The following VPS13B variants were observed in gnomAD, a reference collection of about 807,000 sequenced individuals.
VPS13B encodes intermembrane lipid transfer protein VPS13B.
A neutral mutation model predicts 426.4 loss-of-function variants in VPS13B; 285 were observed. The observed-to-expected ratio is 0.67, with a 90% CI of 0.61 to 0.74. The LOEUF (loss-of-function observed/expected upper bound fraction) is 0.74, where lower values mean the gene tolerates loss of function less well. VPS13B is among the 30% of genes least tolerant of loss of function. The pLI is 0.00. For synonymous variants in VPS13B, 1,676 were observed against 1,676.4 expected, an observed-to-expected ratio of 1.00 and a Z score of 0.01; for missense variants, 4,537 against 4,782.6, an observed-to-expected ratio of 0.95 and a Z score of 1.51.
chr8:99,830,093 G>A (rs543339861), intron 51 of VPS13B, among the ~76,000 whole-genome samples: 5 of 152,354 alleles, frequency 3.3e-5, no homozygotes, highest in African/African-American at 9.6e-5. Flanking sequence ...CCCACTTGAG[G>A]AGGCAGTCTG....
chr8:99,258,650 G>T (rs1366427982), intron 17 of VPS13B, among the ~76,000 whole-genome samples: 4 of 151,830 alleles, frequency 2.6e-5, no homozygotes, highest in African/African-American at 7.3e-5. Flanking sequence ...TAATTAATTA[G>T]CGTAAGTTTT....
intron 39 of VPS13B, among the ~76,000 whole-genome samples, chr8:99,748,812 TATG>T (rs1315895869): frequency 7.9e-5 from 12 of 152,118 alleles, no homozygotes; most frequent in African/African-American, 2.9e-4. Flanking sequence ...ATTAAACTAT[TATG>T]ATGTATGGAA....
At chr8:99,606,136 G>C (rs1410836511) in intron 33 of VPS13B, among the ~76,000 whole-genome samples, 10 of 152,132 alleles carry the variant, frequency 6.6e-5, no homozygotes, top group Non-Finnish European at 1.5e-4. Flanking sequence ...AAACTCCTGG[G>C]CTCGAGTGAT....
At chr8:99,870,109 G>GT (rs576763199) in intron 59 of VPS13B, among the ~76,000 whole-genome samples, 4 of 152,142 alleles carry the variant, frequency 2.6e-5, no homozygotes, top group Non-Finnish European at 5.9e-5. Flanking sequence ...ATATCTGTGT[G>GT]TTTTTTATTT....
Position 99,778,714 on chromosome 8 carries a change from G to A in VPS13B, c.7462G>A (p.Asp2488Asn), listed in dbSNP as rs780602782. ...ACAGTACCTACAGCCATTTGTTTCC[G>A]ACAGAAATATGCCATCTGAACTAGA... ...APQYLQPFVS[D>N]RNMPSELEYM... Residue 2488 changes from aspartate to asparagine, a missense_variant, in exon 42 of 62, where the codon GAC becomes AAC. Transcript: ENST00000357162. 2.1e-5 allele frequency: 34 copies of A among 1,613,758 alleles called. No homozygotes were observed. The highest frequency in any genetic ancestry group is 2.7e-5 in the Non-Finnish European group (32 of 1,179,860).
In VPS13B at chr8:99,502,904, G is replaced by A. The variant is rs1220750873; in HGVS notation, c.4111G>A (p.Val1371Met). Residue 1371 changes from valine to methionine, a missense_variant, in exon 27 of 62, where the codon GTG (valine) becomes ATG (methionine). Val to Met is a conservative substitution (Grantham distance 21). Around this residue, in one of 2 missense-constraint regions of VPS13B, gnomAD observed 4,311 missense variants for 4,474.3 expected, o/e 0.96. Coordinates refer to ENST00000357162, the MANE Select transcript of VPS13B (RefSeq NM_152564.5). ...SIDVQDVYTK[V>M]KCKIESFNID... ...AGATGTCCAGGATGTATATACCAAA[G>A]TGAAATGTAAAATAGAGAGTTTCAA... 17 of 1,613,122 alleles carry A rather than the reference G, an allele frequency of 1.1e-5. No homozygotes were observed. Among genetic ancestry groups the A allele is most frequent in the Non-Finnish European group, 1.4e-5 (17 of 1,179,540 alleles).
At chr8:99,779,732 T>C (rs140835952) in intron 42 of VPS13B, among the ~76,000 whole-genome samples, 1 of 152,332 alleles carries the variant, frequency 6.6e-6, no homozygotes, top group African/African-American at 2.4e-5. Context: ...CACAGAATAT[T>C]TGGATGATAA....
chr8:99,809,462 A>G lies in VPS13B; in HGVS notation c.8029A>G (p.Ile2677Val). 1 of 1,614,060 alleles carries G rather than the reference A, an allele frequency of 6.2e-7. No individual in the cohort carries two copies. Among genetic ancestry groups the G allele is most frequent in the South Asian group, 1.1e-5 (1 of 91,082 alleles). ...VDHAGTFIRT[I>V]QYRGRTASLI... ...CCATGCCGGGACTTTTATTAGAACA[A>G]TTCAGTACAGGGGTCGAACTGCTTC... Residue 2677 changes from isoleucine (I) to valine (V), a missense_variant, in exon 44 of 62, where the codon ATT (isoleucine) becomes GTT (valine). Physicochemically the swap from Ile to Val is conservative, Grantham distance 29. Around this residue, in one of 2 missense-constraint regions of VPS13B, gnomAD observed 4,311 missense variants for 4,474.3 expected, o/e 0.96. Transcript: ENST00000357162.
At chr8:99,233,391 G>T in intron 17 of VPS13B, 1 of 1,095,740 alleles carries the variant, frequency 9.1e-7, no homozygotes, top group Non-Finnish European at 1.4e-6. Flanking sequence ...CCTGGGCCTT[G>T]ATGGAGGCTC....
In VPS13B at chr8:99,587,518, A is replaced by C. The variant is rs188590457; in HGVS notation, c.5220+9885A>C. On this transcript the variant is annotated intron_variant, in intron 33 of 61. Transcript: ENST00000357162. ...TGACTTTTAAATGATCTCCATTCCA[A>C]CTGGCATGAGATGGTATCTCATTGT... 3.3e-4 allele frequency among the ~76,000 whole-genome samples: 50 copies of C among 151,756 alleles called. 1 individual carries two copies. Among genetic ancestry groups the C allele is most frequent in the Admixed American group, 3.1e-3 (48 of 15,264 alleles).
At chr8:99,102,079 A>G (rs938642789) in intron 4 of VPS13B, among the ~76,000 whole-genome samples, 1 of 152,174 alleles carries the variant, frequency 6.6e-6, no homozygotes, top group African/African-American at 2.4e-5. Flanking sequence ...ACACACTTAC[A>G]TGAGAAACAT....
chr8:99,478,466 GTT>G (rs1382871790), intron 24 of VPS13B, among the ~76,000 whole-genome samples: 38 of 41,966 alleles, frequency 9.1e-4, no homozygotes, highest in African/African-American at 2.8e-3. Context: ...TTTTTTTTTT[GTT>G]TTTTGTTTTT....
At chr8:99,361,874 T>G (rs1301562689) in intron 19 of VPS13B, among the ~76,000 whole-genome samples, 1 of 152,170 alleles carries the variant, frequency 6.6e-6, no homozygotes, top group African/African-American at 2.4e-5. Context: ...ATAATAGGCA[T>G]GTTATAAATG....
intron 52 of VPS13B, among the ~76,000 whole-genome samples, chr8:99,834,738 G>T (rs769206988): frequency 2.0e-5 from 3 of 151,964 alleles, no homozygotes; most frequent in Non-Finnish European, 4.4e-5. Context: ...TTTGTATTTT[G>T]CTGTAGAGAT....
chr8:99,308,960 TG>T (rs1820799498), intron 19 of VPS13B, among the ~76,000 whole-genome samples: 1 of 152,244 alleles, frequency 6.6e-6, no homozygotes, highest in Non-Finnish European at 1.5e-5. Flanking sequence ...CATGTGTCTG[TG>T]GGCTGCATAC....
chr8:99,232,517 G>GA (rs1003072320), intron 17 of VPS13B, among the ~76,000 whole-genome samples: 21 of 150,866 alleles, frequency 1.4e-4, no homozygotes, highest in Admixed American at 3.3e-4. Context: ...TCTTTAAAAA[G>GA]AAAAAAAAAT....
At chr8:99,645,391 A>G (rs1829541022) in intron 34 of VPS13B, among the ~76,000 whole-genome samples, 1 of 152,238 alleles carries the variant, frequency 6.6e-6, no homozygotes, top group South Asian at 2.1e-4. Context: ...TTAGCTGTCA[A>G]TATCATATAG....
At chr8:99,606,624 C>CTTTTTT (rs1193844207) in intron 33 of VPS13B, among the ~76,000 whole-genome samples, 15 of 137,222 alleles carry the variant, frequency 1.1e-4, no homozygotes, top group East Asian at 2.4e-4. Flanking sequence ...TTTTCTTTTT[C>CTTTTTT]TTTTCTTTTT....
intron 43 of VPS13B, among the ~76,000 whole-genome samples, chr8:99,788,384 A>T (rs1383994894): frequency 3.6e-5 from 3 of 82,602 alleles, no homozygotes; most frequent in African/African-American, 5.1e-5. Flanking sequence ...ACCCCATCTT[A>T]AAAAAAAAAA....
Sources: allele counts gnomAD v4.1 joint callset (sites outside exome capture counted in the v4.1 genomes callset), GRCh38; gene constraint gnomAD v4.1.1; regional missense constraint gnomAD v4.1.1; transcripts MANE v1.5; gene names NCBI Gene and HGNC (gene_info 2026-07-23, HGNC 2026-07-21).